The following CCDC7 variants were observed in gnomAD, a reference collection of about 807,000 sequenced individuals.
CCDC7 encodes coiled-coil domain containing 7.
Under a neutral mutation model 196.9 loss-of-function variants are expected in CCDC7, and 183 were observed. That is an observed-to-expected ratio of 0.93 (90% CI 0.82 to 1.05). The LOEUF (loss-of-function observed/expected upper bound fraction) is 1.05, where lower values mean the gene tolerates loss of function less well. Ranked by LOEUF, CCDC7 falls within the 50% of genes least tolerant of loss-of-function variation. The pLI, the probability that CCDC7 is intolerant of heterozygous loss-of-function variation, is 0.00. For synonymous variants in CCDC7, 525 were observed against 484.6 expected (o/e 1.08, Z -1.10); for missense variants, 1,540 against 1,482.2 (o/e 1.04, Z -0.64).
intron 18 of CCDC7, among the ~76,000 whole-genome samples, chr10:32,597,783 G>T (rs1418445968): frequency 6.6e-6 from 1 of 152,208 alleles, no homozygotes; most frequent in Non-Finnish European, 1.5e-5. Flanking sequence ...TGTGCTGGCG[G>T]TCCACGCCAG....
intron 28 of CCDC7, among the ~76,000 whole-genome samples, chr10:32,735,299 G>T (rs1327302990): frequency 6.6e-6 from 1 of 152,186 alleles, no homozygotes; most frequent in Non-Finnish European, 1.5e-5. Context: ...CAAAGTTGCT[G>T]TAGTGTTTTG....
At chr10:32,488,793 C>T (rs58415867) in intron 8 of CCDC7, among the ~76,000 whole-genome samples, 13,491 of 152,160 alleles carry the variant, frequency 0.089, 871 homozygotes, top group East Asian at 0.33. Context: ...TTGAATATTT[C>T]GTCAGATATT....
intron 21 of CCDC7, among the ~76,000 whole-genome samples, chr10:32,681,186 G>T (rs1565115920): frequency 6.6e-6 from 1 of 152,104 alleles, no homozygotes; most frequent in Admixed American, 6.6e-5. Context: ...TGCTGTGCTG[G>T]AAGTAGCTGC....
chr10:32,552,000 T>C (rs1183808501), intron 13 of CCDC7, among the ~76,000 whole-genome samples: 1 of 152,180 alleles, frequency 6.6e-6, no homozygotes, highest in Non-Finnish European at 1.5e-5. Flanking sequence ...GTGGAGTACT[T>C]AAGTCCTCCA....
At chr10:32,688,076 T>C (rs1274933766) in intron 22 of CCDC7, among the ~76,000 whole-genome samples, 1 of 152,122 alleles carries the variant, frequency 6.6e-6, no homozygotes, top group Non-Finnish European at 1.5e-5. Context: ...TATCTCTTTT[T>C]TTTCCCTGCC....
At position 32,798,125 on chromosome 10, in the gene CCDC7, A is replaced by G. The variant is rs183512941; in HGVS notation, c.3014-6890A>G. On this transcript the variant is annotated intron_variant, in intron 29 of 41. Coordinates refer to ENST00000639629, the Ensembl canonical transcript of CCDC7. ...TTGGCAGAATCATTGTATGCATCAT[A>G]GGCAAACGCATAACTGGAGTACGTG... 3.3e-5 allele frequency among the ~76,000 whole-genome samples: 5 copies of G among 152,352 alleles called. 1 individual carries two copies. The highest frequency in any genetic ancestry group is 1.2e-4 in the African/African-American group (5 of 41,590).
chr10:32,656,847 C>T (rs2070003451), intron 20 of CCDC7, among the ~76,000 whole-genome samples: 1 of 152,180 alleles, frequency 6.6e-6, no homozygotes, highest in Non-Finnish European at 1.5e-5. Flanking sequence ...AGGCAAGTCC[C>T]TTCTGCCTAT....
chr10:32,668,162 T>A (rs1432985103), intron 21 of CCDC7, among the ~76,000 whole-genome samples: 1 of 152,164 alleles, frequency 6.6e-6, no homozygotes, highest in African/African-American at 2.4e-5. Flanking sequence ...ATAATTTGGC[T>A]CTCTGTTTGT....
At chr10:32,680,461 A>G (rs2141013292) in intron 21 of CCDC7, among the ~76,000 whole-genome samples, 1 of 152,024 alleles carries the variant, frequency 6.6e-6, no homozygotes, top group South Asian at 2.1e-4. Context: ...TTTAAGTTCT[A>G]GAGTACATGT....
intron 41 of CCDC7, among the ~76,000 whole-genome samples, chr10:32,864,661 A>AT (rs1171482406): frequency 6.6e-6 from 1 of 151,832 alleles, no homozygotes; most frequent in African/African-American, 2.4e-5. Flanking sequence ...AAAACTCTGG[A>AT]TTAAAGAGTT....
intron 13 of CCDC7, among the ~76,000 whole-genome samples, chr10:32,561,442 C>G (rs2055605541): frequency 6.6e-6 from 1 of 152,172 alleles, no homozygotes; most frequent in Non-Finnish European, 1.5e-5. Context: ...GAAATTATAA[C>G]AAACTGTCTC....
chr10:32,533,274 C>CACACACACACAA (rs1446561687), intron 11 of CCDC7, among the ~76,000 whole-genome samples: 8 of 151,442 alleles, frequency 5.3e-5, no homozygotes, highest in African/African-American at 1.9e-4. Context: ...CACACACACA[C>CACACACACACAA]ACACAATTCT....
chr10:32,605,830 C>T (rs1173803674), intron 18 of CCDC7, among the ~76,000 whole-genome samples: 1 of 148,442 alleles, frequency 6.7e-6, no homozygotes, highest in African/African-American at 2.4e-5. Flanking sequence ...AAATTTATAA[C>T]CTGGCCATAT....
At chr10:32,757,394 C>A (rs929481881) in intron 28 of CCDC7, among the ~76,000 whole-genome samples, 16 of 152,160 alleles carry the variant, frequency 1.1e-4, no homozygotes, top group Admixed American at 9.2e-4. Flanking sequence ...GAAATTATAA[C>A]AAACTGTCTC....
At chr10:32,880,203 G>A (rs1401431326), downstream of CCDC7, among the ~76,000 whole-genome samples, 1 of 151,982 alleles carries the variant, frequency 6.6e-6, no homozygotes, top group Non-Finnish European at 1.5e-5. Flanking sequence ...CCATAGCATC[G>A]CCAGCATCTG....
Position 32,597,041 on chromosome 10 carries a change from C to T in CCDC7, c.1801+12737C>T, listed in dbSNP as rs575303931. ...TCTCAAGGAATATCTTTGTGGCGTTCTCTGTATTTCCCGAATTTGAATGTT... is the reference window on the plus strand; with the variant it reads ...TCTCAAGGAATATCTTTGTGGCGTTTTCTGTATTTCCCGAATTTGAATGTT... On this transcript the variant is annotated intron_variant, in intron 18 of 41. Coordinates refer to ENST00000639629, the Ensembl canonical transcript of CCDC7. 1.0e-3 allele frequency among the ~76,000 whole-genome samples: 159 copies of T among 152,240 alleles called. No individual in the cohort carries two copies. The Middle Eastern group carries it at 0.014, about 13-fold the overall frequency.
At chr10:32,650,884 G>A (rs1361281379) in intron 20 of CCDC7, among the ~76,000 whole-genome samples, 1 of 152,150 alleles carries the variant, frequency 6.6e-6, no homozygotes, top group African/African-American at 2.4e-5. Flanking sequence ...GCTGCATTAT[G>A]TACATTCTCT....
rs184103630 is a variant in CCDC7 at position 32,544,012 on chromosome 10, A to G, written c.1080-235A>G. Among the ~76,000 whole-genome samples the G allele has an allele frequency of 5.9e-5, 9 of 152,204 alleles. No homozygotes were observed. The East Asian group carries it at 1.7e-3, about 29-fold the overall frequency. On this transcript the variant is annotated intron_variant, in intron 12 of 41. Transcript: ENST00000639629. ...GACCCGAGAAGAAAAAATGACCAAT[A>G]TGCTTTGACTATCAGTCTTTTCACA...
intron 29 of CCDC7, among the ~76,000 whole-genome samples, chr10:32,793,260 G>A (rs1280760341): frequency 6.6e-6 from 1 of 152,142 alleles, no homozygotes. Context: ...ACAACTAAAA[G>A]GTTATTCCCT....
Sources: allele counts gnomAD v4.1 joint callset (sites outside exome capture counted in the v4.1 genomes callset), GRCh38; gene constraint gnomAD v4.1.1; transcripts MANE v1.5; gene names NCBI Gene and HGNC (gene_info 2026-07-23, HGNC 2026-07-21).